Variants in BICRA observed in about 807,000 individuals in gnomAD.
BICRA encodes BRD4 interacting chromatin remodeling complex associated protein.
A neutral mutation model predicts 96.9 loss-of-function variants in BICRA; 31 were observed. The ratio of observed to expected loss-of-function variants is 0.32; its 90% CI spans 0.24 to 0.43. The LOEUF (loss-of-function observed/expected upper bound fraction) is 0.43. BICRA is among the 20% of genes least tolerant of loss of function. The pLI is 1.00. For missense variants in BICRA, 2,283 were observed against 2,190.3 expected (o/e 1.04, Z -0.84); for synonymous variants, 1,350 against 1,071.8 (o/e 1.26, Z -5.07).
chr19:47,632,294 C>T (rs1482296749), intron 1 of BICRA, among the ~76,000 whole-genome samples: 3 of 152,254 alleles, frequency 2.0e-5, no homozygotes, highest in Non-Finnish European at 4.4e-5. Context: ...TGCTGGCAAA[C>T]AGCAGCCGGA....
chr19:47,681,362 A>G lies in BICRA; in HGVS notation c.2106+86A>G. 4.1e-6 allele frequency: 5 copies of G among 1,216,992 alleles called. No individual in the cohort carries two copies. In the East Asian group the frequency reaches 1.1e-4, roughly 26 times the overall value. The allele number at this position is 1,216,992 out of a possible 1,614,324, so 75.4% of individuals were successfully genotyped here. The stretch of plus-strand genomic sequence containing the variant: ...TCCTGGGGCGAGGCGCCAAGATCCA[A>G]AAGTGGATGCCACTGTGGCAGCTGG... On this transcript the variant is annotated intron_variant, in intron 6 of 14. Transcript: ENST00000594866.
chr19:47,616,207 A>G (rs1294691252), intron 1 of BICRA, among the ~76,000 whole-genome samples: 1 of 152,230 alleles, frequency 6.6e-6, no homozygotes, highest in Non-Finnish European at 1.5e-5. Context: ...CCTGGGGTAT[A>G]GCAAGCGCCC....
rs4802382 is a variant in BICRA, at chr19:47,679,530, C to T, written c.360C>T (p.Ala120=). 421,960 of 1,545,274 alleles carry T rather than the reference C, an allele frequency of 0.27. 59,270 individuals carry two copies. The highest frequency in any genetic ancestry group is 0.41 in the African/African-American group (29,851 of 72,720). Residue 120 remains alanine (A), a synonymous_variant, in exon 6 of 15, where the codon GCC becomes GCT. Transcript: ENST00000594866. ...EANITEQTLE[A]EAELDLGPFQ... is the part of the protein sequence containing the mutation. ...ACATCACGGAGCAGACGCTGGAGGCCGAGGCTGAGCTGGACCTGGGTCCCT... is the reference window on the plus strand; with the variant it reads ...ACATCACGGAGCAGACGCTGGAGGCTGAGGCTGAGCTGGACCTGGGTCCCT...
At chr19:47,663,928 C>T (rs1340318182) in intron 1 of BICRA, 3 of 152,036 alleles carry the variant, frequency 2.0e-5, no homozygotes, top group African/African-American at 7.3e-5. Context: ...TTCCTGGTCA[C>T]AACCTGCTAA....
At chr19:47,655,124 G>A (rs933537551) in intron 1 of BICRA, among the ~76,000 whole-genome samples, 2 of 152,120 alleles carry the variant, frequency 1.3e-5, no homozygotes, top group African/African-American at 2.4e-5. Context: ...GTCAAGCAAC[G>A]CCACACCCTG....
chr19:47,702,721 A>T lies in BICRA; in HGVS notation c.*306A>T, dbSNP rs1262723961. The T allele has an allele frequency of 2.4e-6, 1 of 416,266 alleles. No homozygotes were observed. Among genetic ancestry groups the T allele is most frequent in the Non-Finnish European group, 4.3e-6 (1 of 235,036 alleles). 25.8% of individuals were successfully genotyped at this position (416,266 alleles called of 1,614,324 possible). A position where few individuals can be genotyped will look rare whatever the true frequency, so the allele number is the denominator to read the frequency against. On this transcript the variant is annotated 3_prime_UTR_variant, in exon 15 of 15. Transcript: ENST00000594866. ...CACTCTGCCCCTCTGTCCGGGGGAC[A>T]CGCGCATGTGTTTGCCAGGGATGGG...
intron 1 of BICRA, among the ~76,000 whole-genome samples, chr19:47,614,702 C>T (rs1008821812): frequency 2.0e-5 from 3 of 152,142 alleles, no homozygotes; most frequent in South Asian, 2.1e-4. Context: ...TTTTTTTCCA[C>T]GCTTCATCTC....
chr19:47,621,469 T>C (rs1267602473), intron 1 of BICRA, among the ~76,000 whole-genome samples: 1 of 149,464 alleles, frequency 6.7e-6, no homozygotes, highest in Non-Finnish European at 1.5e-5. Context: ...TTTTAGTCTT[T>C]TTTTTTTTTT....
At chr19:47,643,250 A>T (rs976070142) in intron 1 of BICRA, among the ~76,000 whole-genome samples, 2 of 152,282 alleles carry the variant, frequency 1.3e-5, no homozygotes, top group African/African-American at 4.8e-5. Flanking sequence ...GATTACAGGC[A>T]TGAACCACTG....
At chr19:47,690,292 G>A (rs760483911) in intron 7 of BICRA, among the ~76,000 whole-genome samples, 14 of 152,236 alleles carry the variant, frequency 9.2e-5, no homozygotes, top group East Asian at 1.9e-4. Flanking sequence ...GTGAGCCACC[G>A]CGCCCGGCCT....
At chr19:47,632,104 G>A (rs1475212441) in intron 1 of BICRA, among the ~76,000 whole-genome samples, 7 of 152,344 alleles carry the variant, frequency 4.6e-5, no homozygotes, top group Non-Finnish European at 1.0e-4. Flanking sequence ...CCATGGGAGG[G>A]CTTTGAGCTG....
At position 47,614,576 on chromosome 19, in the gene BICRA, T is replaced by C. The variant is rs114039662; in HGVS notation, c.-108+5408T>C. The stretch of plus-strand genomic sequence containing the variant: ...AGGTTGCGGTGAGCCGAGATTGCGG[T>C]AGCACTGCACTCCACTCCAGCCTGG... On this transcript the variant is annotated intron_variant, in intron 1 of 14. Transcript: ENST00000594866. Among the ~76,000 whole-genome samples the C allele has an allele frequency of 7.1e-3, 1,078 of 152,284 alleles. 22 individuals are homozygous for C. Among genetic ancestry groups the C allele is most frequent in the African/African-American group, 0.024 (1,006 of 41,554 alleles).
At chr19:47,621,451 T>G (rs951645939) in intron 1 of BICRA, among the ~76,000 whole-genome samples, 1 of 151,894 alleles carries the variant, frequency 6.6e-6, no homozygotes, top group African/African-American at 2.4e-5. Flanking sequence ...GCTTTTGTAT[T>G]TAAAATTTTT....
intron 1 of BICRA, among the ~76,000 whole-genome samples, chr19:47,639,629 A>ATT (rs55946534): frequency 6.6e-5 from 7 of 105,836 alleles, no homozygotes; most frequent in Non-Finnish European, 1.1e-4. Context: ...CGGCCAGCCA[A>ATT]TTTTTTTTTT....
intron 7 of BICRA, among the ~76,000 whole-genome samples, chr19:47,684,440 C>T (rs142720471): frequency 6.6e-6 from 1 of 152,288 alleles, no homozygotes; most frequent in East Asian, 1.9e-4. Flanking sequence ...CCTCGGCCTC[C>T]CAAATTGCTG....
chr19:47,611,830 C>T (rs542439215), intron 1 of BICRA, among the ~76,000 whole-genome samples: 8 of 151,340 alleles, frequency 5.3e-5, no homozygotes, highest in African/African-American at 1.2e-4. Context: ...AGGCCGGGTA[C>T]GCAGTGTGGG....
At chr19:47,633,743 C>T (rs1223577705) in intron 1 of BICRA, among the ~76,000 whole-genome samples, 1 of 152,220 alleles carries the variant, frequency 6.6e-6, no homozygotes, top group Non-Finnish European at 1.5e-5. Flanking sequence ...GAAAACACCA[C>T]CAATGGTATT....
chr19:47,673,669 T>TCC lies in BICRA; in HGVS notation c.42-48_42-47dup, dbSNP rs1471985645. ...CTCTGTCTCAACCCCCTCCCTTCCCTCCCCTCCCCAGCTCCTTACCTCCTC... is the reference window on the plus strand; with the variant it reads ...CTCTGTCTCAACCCCCTCCCTTCCCTCCCCCCTCCCCAGCTCCTTACCTCCTC... On this transcript the variant is annotated intron_variant, in intron 3 of 14. Coordinates refer to ENST00000594866, the MANE Select transcript of BICRA (RefSeq NM_001394372.1). 2.2e-5 allele frequency: 18 copies of TCC among 809,960 alleles called. No homozygotes were observed. The East Asian group carries it at 8.6e-4, about 39-fold the overall frequency. The allele number at this position is 809,960 out of a possible 1,614,324, so 50.2% of individuals were successfully genotyped here.
intron 1 of BICRA, among the ~76,000 whole-genome samples, chr19:47,638,319 A>ATT (rs1972331300): frequency 1.3e-5 from 2 of 152,212 alleles, no homozygotes; most frequent in African/African-American, 2.4e-5. Flanking sequence ...GCTCCCGGGA[A>ATT]GGCATAGGGA....
Sources: gnomAD v4.1 joint callset for allele counts (sites outside exome capture counted in the v4.1 genomes callset) on GRCh38, gnomAD v4.1.1 for gene constraint, MANE v1.5 for transcripts, NCBI Gene and HGNC (gene_info 2026-07-23, HGNC 2026-07-21) for gene names.